The following IL17D variants were observed in gnomAD, a reference collection of about 807,000 sequenced individuals.
The protein encoded by IL17D is interleukin 17D.
In IL17D, 10 loss-of-function variants were observed where a neutral mutation model predicts 5.7. The ratio of observed to expected loss-of-function variants is 1.75; its 90% confidence interval spans 1.08 to 2.97. The LOEUF (loss-of-function observed/expected upper bound fraction) is 2.97. IL17D is among the 30% of genes most tolerant of loss of function. The pLI is 0.00. For synonymous variants in IL17D, 172 were observed against 141.7 expected (o/e 1.21, Z -1.52); for missense variants, 354 against 292.7 (o/e 1.21, Z -1.53).
At chr13:20,718,284 C>T (rs2058694094) in intron 1 of IL17D, among the ~76,000 whole-genome samples, 1 of 152,146 alleles carries the variant, frequency 6.6e-6, no homozygotes, top group Admixed American at 6.5e-5. Context: ...TCTCGAATAG[C>T]TCACCATGAC....
chr13:20,717,078 CACTT>C (rs1164997093), intron 1 of IL17D: 1 of 152,254 alleles, frequency 6.6e-6, no homozygotes, highest in African/African-American at 2.4e-5. Context: ...TCTCTGCTGT[CACTT>C]ACATTCCTCT....
intron 1 of IL17D, chr13:20,713,364 A>G (rs990871624): frequency 7.9e-5 from 12 of 152,090 alleles, no homozygotes; most frequent in Non-Finnish European, 1.5e-4. Flanking sequence ...TCCCCCTAAA[A>G]TGTTTGTATG....
At chr13:20,709,535 G>A (rs528339920) in intron 1 of IL17D, among the ~76,000 whole-genome samples, 1 of 152,258 alleles carries the variant, frequency 6.6e-6, no homozygotes, top group South Asian at 2.1e-4. Flanking sequence ...CCATTTCTAC[G>A]TTAAAAGGGA....
Position 20,703,987 on chromosome 13 carries a change from G to A in IL17D, c.-15G>A. The stretch of plus-strand genomic sequence containing the variant: ...CGCGTGCGGACGCTGAGCGTGGCCT[G>A]TCCCTCAGGTCTGGATGCTGGTAGC... On this transcript the variant is annotated 5_prime_UTR_variant, in exon 1 of 2. Coordinates refer to ENST00000682841, the MANE Select transcript of IL17D (RefSeq NM_001385224.1). 9.9e-7 allele frequency: 1 copy of A among 1,011,536 alleles called. No homozygotes were observed. The highest frequency in any genetic ancestry group is 1.7e-5 in the African/African-American group (1 of 57,190). 62.7% of individuals were successfully genotyped at this position (1,011,536 alleles called of 1,614,324 possible).
chr13:20,714,519 C>T (rs2058663943), intron 1 of IL17D, among the ~76,000 whole-genome samples: 1 of 152,208 alleles, frequency 6.6e-6, no homozygotes, highest in South Asian at 2.1e-4. Context: ...AGAGGGTGGG[C>T]AGGCTAAGCC....
chr13:20,704,313 G>A, intron 1 of IL17D, 22 bp downstream of exon 1: 1 of 1,190,248 alleles, frequency 8.4e-7, no homozygotes. Flanking sequence ...GCGCGTCCTG[G>A]CGGGGCCCGG....
chr13:20,714,422 G>A (rs936040250), intron 1 of IL17D, among the ~76,000 whole-genome samples: 2 of 152,202 alleles, frequency 1.3e-5, no homozygotes, highest in African/African-American at 4.8e-5. Context: ...GGGGCAGTGC[G>A]GGCGGCTGGG....
intron 1 of IL17D, among the ~76,000 whole-genome samples, chr13:20,718,781 C>G (rs544575548): frequency 3.7e-4 from 56 of 149,612 alleles, no homozygotes; most frequent in African/African-American, 1.2e-3. Context: ...CATGCTCACA[C>G]ACCCACACAC....
At chr13:20,721,502 C>CCTCG in intron 1 of IL17D, 134 bp from the exon 2 acceptor site, 1 of 662,438 alleles carries the variant, frequency 1.5e-6, no homozygotes, top group Non-Finnish European at 2.5e-6. Flanking sequence ...CGGCGGGGGG[C>CCTCG]CTCGCACGCA....
At chr13:20,712,702 G>T (rs1222072790) in intron 1 of IL17D, 3 of 151,150 alleles carry the variant, frequency 2.0e-5, no homozygotes, top group African/African-American at 7.3e-5. Flanking sequence ...CACCCTGCAG[G>T]CTGAGACCCC....
chr13:20,702,820 G>T (rs1375804443), upstream of IL17D: 1 of 152,160 alleles, frequency 6.6e-6, no homozygotes, highest in Non-Finnish European at 1.5e-5. Context: ...ATGTTGTTGA[G>T]GAGAAAGGAG....
At chr13:20,708,965 AAAAAAAAAAAAAAGAAAG>A in intron 1 of IL17D, among the ~76,000 whole-genome samples, 3 of 139,992 alleles carry the variant, frequency 2.1e-5, no homozygotes, top group East Asian at 1.9e-4. Flanking sequence ...TGTCTCAAAA[AAAAAAAAAAAAAAGAAAG>A]AAAGAAAAGA....
rs1313183991 is a variant in IL17D, at chr13:20,716,446, T to C, written c.291-5190T>C. 6.6e-6 allele frequency among the ~76,000 whole-genome samples: 1 copy of C among 152,228 alleles called. No individual in the cohort carries two copies. Among genetic ancestry groups the C allele is most frequent in the Admixed American group, 6.5e-5 (1 of 15,280 alleles). ...TCCAAGACCTTAGAGACTCAATGTA[T>C]TGCCAGTGTCTTTTCTAAGCATAAA... On this transcript the variant is annotated intron_variant, in intron 1 of 1. Coordinates refer to ENST00000682841, the MANE Select transcript of IL17D (RefSeq NM_001385224.1). The surrounding 1 kb of genome is among the most constrained non-coding windows in gnomAD (Gnocchi z 4.2).
upstream of IL17D, chr13:20,703,570 G>C (rs2058561150): frequency 3.4e-6 from 1 of 297,192 alleles, no homozygotes; most frequent in African/African-American, 2.3e-5. Flanking sequence ...GCGGGTCCGG[G>C]CGTCTTAGGC....
intron 1 of IL17D, among the ~76,000 whole-genome samples, chr13:20,714,922 G>A (rs1329552892): frequency 6.6e-6 from 1 of 152,196 alleles, no homozygotes; most frequent in Non-Finnish European, 1.5e-5. Flanking sequence ...GAAGCTGTTT[G>A]TGGTCTCCAG....
chr13:20,701,888 T>C (rs1463623305), upstream of IL17D: 1 of 152,212 alleles, frequency 6.6e-6, no homozygotes, highest in African/African-American at 2.4e-5. Context: ...AAGTAAATAT[T>C]TTCCTTCCCA....
chr13:20,721,551 C>T, intron 1 of IL17D, 85 bp from the exon 2 acceptor site: 1 of 1,194,710 alleles, frequency 8.4e-7, no homozygotes, highest in Non-Finnish European at 1.2e-6. Flanking sequence ...CCCCGAGGCC[C>T]TCCCCGGTGA....
At chr13:20,705,455 T>G (rs1332341866) in intron 1 of IL17D, among the ~76,000 whole-genome samples, 1 of 152,100 alleles carries the variant, frequency 6.6e-6, no homozygotes, top group East Asian at 1.9e-4. Context: ...CCCAGCACTT[T>G]GGGAGGCCGA....
Position 20,722,015 on chromosome 13 carries a change from G to A in IL17D, c.*61G>A. ...ATCCCGAGGCGCCCAAGCTGGAGCCGCCTGGAGGGCTCGGTCGGCGACCTC... is the reference window on the plus strand; with the variant it reads ...ATCCCGAGGCGCCCAAGCTGGAGCCACCTGGAGGGCTCGGTCGGCGACCTC... On this transcript the variant is annotated 3_prime_UTR_variant, in exon 2 of 2. Transcript: ENST00000682841. 3 of 1,393,512 alleles carry A rather than the reference G, an allele frequency of 2.2e-6. No homozygotes were observed. The South Asian group carries it at 4.3e-5, about 20-fold the overall frequency. The allele number at this position is 1,393,512 out of a possible 1,614,324, so 86.3% of individuals were successfully genotyped here.
Sources: gnomAD v4.1 joint callset for allele counts (sites outside exome capture counted in the v4.1 genomes callset) on GRCh38, gnomAD v4.1.1 for gene constraint, Gnocchi (gnomAD v3.1) non-coding constraint, MANE v1.5 for transcripts, NCBI Gene and HGNC (gene_info 2026-07-23, HGNC 2026-07-21) for gene names.